The following ARHGAP44 variants were observed in gnomAD, a reference collection of about 807,000 sequenced individuals.
The protein encoded by ARHGAP44 is Rho GTPase activating protein 44, also known as rho GTPase-activating protein 44.
In ARHGAP44, 43 loss-of-function variants were observed where a neutral mutation model predicts 106.8. That is an observed-to-expected ratio of 0.40 (90% CI 0.32 to 0.52). The LOEUF is 0.52. Ranked by LOEUF, ARHGAP44 falls within the 20% of genes least tolerant of loss-of-function variation. The pLI is 0.48. For synonymous variants in ARHGAP44, 439 were observed against 410.3 expected, an observed-to-expected ratio of 1.07 and a Z score of -0.85; for missense variants, 866 against 1,050.5, an observed-to-expected ratio of 0.82 and a Z score of 2.43.
intron 1 of ARHGAP44, among the ~76,000 whole-genome samples, chr17:12,866,958 T>C (rs2036253951): frequency 6.6e-6 from 1 of 152,172 alleles, no homozygotes; most frequent in Admixed American, 6.5e-5. Flanking sequence ...AGAAGGCTTC[T>C]TTCTGCATTT....
chr17:12,805,034 A>C (rs2034231258), intron 1 of ARHGAP44, among the ~76,000 whole-genome samples: 1 of 152,196 alleles, frequency 6.6e-6, no homozygotes, highest in Admixed American at 6.5e-5. Context: ...TAAATATGCC[A>C]CTGAAATAGA....
chr17:12,789,689 G>A lies in ARHGAP44; in HGVS notation c.-150G>A. On this transcript the variant is annotated 5_prime_UTR_variant, in exon 1 of 21. Coordinates refer to ENST00000379672, the MANE Select transcript of ARHGAP44 (RefSeq NM_014859.6). ...TAGGCGGCGGCGCCCTCGGGAGGGA[G>A]CTGCGCGCGGGCCAGACGGCGCCCG... The A allele has an allele frequency of 1.9e-6, 1 of 532,928 alleles. No homozygotes were observed. Among genetic ancestry groups the A allele is most frequent in the Non-Finnish European group, 2.9e-6 (1 of 349,220 alleles). 33.0% of individuals were successfully genotyped at this position (532,928 alleles called of 1,614,324 possible).
chr17:12,920,862 G>A (rs1337141114), intron 6 of ARHGAP44, among the ~76,000 whole-genome samples: 3 of 152,150 alleles, frequency 2.0e-5, no homozygotes, highest in Admixed American at 6.5e-5. Flanking sequence ...TCCTGTAGTA[G>A]CAGGCGGGTG....
chr17:12,981,838 C>T (rs993409523), intron 19 of ARHGAP44, among the ~76,000 whole-genome samples: 3 of 151,736 alleles, frequency 2.0e-5, no homozygotes, highest in African/African-American at 4.8e-5. Context: ...TGGTGAAACC[C>T]GTCTCTACTA....
At chr17:12,816,387 G>A (rs561874599) in intron 1 of ARHGAP44, among the ~76,000 whole-genome samples, 66 of 152,204 alleles carry the variant, frequency 4.3e-4, no homozygotes, top group African/African-American at 1.4e-3. Flanking sequence ...AAAATCAGTG[G>A]ACACTTAAAT....
At chr17:12,894,912 C>T (rs2037156496) in intron 1 of ARHGAP44, 28 bp from the exon 2 acceptor site, 3 of 1,567,482 alleles carry the variant, frequency 1.9e-6, no homozygotes, top group Admixed American at 1.9e-5. Flanking sequence ...AGTTTTGTTA[C>T]TGATATGTTT....
intron 20 of ARHGAP44, 181 bp downstream of exon 20, chr17:12,985,089 A>T (rs1239950149): frequency 1.4e-6 from 1 of 722,454 alleles, no homozygotes; most frequent in Non-Finnish European, 2.2e-6. Context: ...GCAACCCTGG[A>T]ATCCATGTGT....
intron 1 of ARHGAP44, among the ~76,000 whole-genome samples, chr17:12,874,902 C>G (rs1225995915): frequency 2.2e-5 from 3 of 137,360 alleles, no homozygotes; most frequent in African/African-American, 8.3e-5. Context: ...GCCTGGAACA[C>G]AGAGTATATC....
chr17:12,861,655 T>TTTTTTTTTTTTTTTTTTTTTTTG (rs748243626), intron 1 of ARHGAP44, among the ~76,000 whole-genome samples: 1 of 14,922 alleles, frequency 6.7e-5, no homozygotes, highest in Non-Finnish European at 1.8e-4. Flanking sequence ...TTTTTTTTTT[T>TTTTTTTTTTTTTTTTTTTTTTTG]TTTGAGATGG....
chr17:12,946,803 A>AAAT (rs1211735412), intron 10 of ARHGAP44, among the ~76,000 whole-genome samples: 1 of 151,816 alleles, frequency 6.6e-6, no homozygotes, highest in Non-Finnish European at 1.5e-5. Flanking sequence ...TCTATCTAAA[A>AAAT]AAAAAAAGTA....
intron 16 of ARHGAP44, among the ~76,000 whole-genome samples, chr17:12,966,811 A>AT (rs1394069719): frequency 6.6e-6 from 1 of 152,176 alleles, no homozygotes; most frequent in African/African-American, 2.4e-5. Context: ...ACAGCCATGT[A>AT]TTGGCTGACA....
At chr17:12,794,565 G>A (rs1160799239) in intron 1 of ARHGAP44, among the ~76,000 whole-genome samples, 1 of 152,210 alleles carries the variant, frequency 6.6e-6, no homozygotes, top group Non-Finnish European at 1.5e-5. Context: ...GTGTCTGGGA[G>A]TAGGTGAGGA....
Position 12,952,598 on chromosome 17 carries a change from C to T in ARHGAP44, c.1136+17C>T, listed in dbSNP as rs886135054. On this transcript the variant is annotated intron_variant, in intron 13 of 20. Coordinates refer to ENST00000379672, the MANE Select transcript of ARHGAP44 (RefSeq NM_014859.6). ...CAACATCCGGTAAGTGGATACTTAC[C>T]AAGTATAGACACATGGCTTGGGCTT... is the stretch of plus-strand genomic sequence containing the variant. 14 of 1,539,912 alleles carry T rather than the reference C, an allele frequency of 9.1e-6. No individual in the cohort carries two copies. The highest frequency in any genetic ancestry group is 1.4e-5 in the African/African-American group (1 of 72,866).
chr17:12,828,431 T>C (rs2034985953), intron 1 of ARHGAP44, among the ~76,000 whole-genome samples: 1 of 152,112 alleles, frequency 6.6e-6, no homozygotes, highest in African/African-American at 2.4e-5. Flanking sequence ...AGAAGTTGAA[T>C]TATAGCAAAT....
intron 1 of ARHGAP44, among the ~76,000 whole-genome samples, chr17:12,838,739 T>C (rs2035310159): frequency 6.6e-6 from 1 of 152,174 alleles, no homozygotes; most frequent in Admixed American, 6.6e-5. Context: ...TGGAGCGACC[T>C]TGGCTTACAG....
intron 18 of ARHGAP44, among the ~76,000 whole-genome samples, chr17:12,975,666 C>G (rs986618595): frequency 6.6e-6 from 1 of 151,578 alleles, no homozygotes; most frequent in Non-Finnish European, 1.5e-5. Flanking sequence ...GGCGTGGTGG[C>G]GGGCGCCTGT....
intron 1 of ARHGAP44, among the ~76,000 whole-genome samples, chr17:12,877,481 T>C (rs2036591602): frequency 1.3e-5 from 2 of 152,242 alleles, no homozygotes; most frequent in Non-Finnish European, 2.9e-5. Context: ...AAAGAAAATT[T>C]AATTAAAAGA....
Position 12,802,947 on chromosome 17 carries a change from ATATATATATATATATATATATAT to A in ARHGAP44, c.53+13058_53+13080del, listed in dbSNP as rs1274544861. Among the ~76,000 whole-genome samples the A allele has an allele frequency of 9.1e-4, 14 of 15,352 alleles. 4 individuals are homozygous for A. Among genetic ancestry groups the A allele is most frequent in the South Asian group, 5.1e-3 (2 of 390 alleles). The allele number at this position is 15,352 out of a possible 152,430, so 10.1% of individuals were successfully genotyped here. ...CTAATTTATATATATATATATATAT[ATATATATATATATATATATATAT>A]TTTTTTTTTTTTTTTTTTTTGAGGC... On this transcript the variant is annotated intron_variant, in intron 1 of 20. Coordinates refer to ENST00000379672, the MANE Select transcript of ARHGAP44 (RefSeq NM_014859.6).
chr17:12,847,644 G>A (rs1279689985), intron 1 of ARHGAP44, among the ~76,000 whole-genome samples: 2 of 151,276 alleles, frequency 1.3e-5, no homozygotes, highest in Admixed American at 6.6e-5. Flanking sequence ...CTCCCCAGTA[G>A]CTGGGACTAC....
Sources: gnomAD v4.1 joint callset for allele counts (sites outside exome capture counted in the v4.1 genomes callset) on GRCh38, gnomAD v4.1.1 for gene constraint, MANE v1.5 for transcripts, NCBI Gene and HGNC (gene_info 2026-07-23, HGNC 2026-07-21) for gene names.